MVB12B: variants seen among roughly 807,000 people sequenced by gnomAD.
The protein encoded by MVB12B is ESCRT-I complex subunit MVB12B.
Under a neutral mutation model 41.6 loss-of-function variants are expected in MVB12B, and 16 were observed. That is an observed-to-expected ratio of 0.38 (90% confidence interval 0.26 to 0.58). The LOEUF is 0.58. MVB12B is among the 20% of genes least tolerant of loss of function. The pLI, the probability that MVB12B is intolerant of heterozygous loss-of-function variation, is 0.62. For missense variants in MVB12B, 274 were observed against 380.2 expected, an observed-to-expected ratio of 0.72 and a Z score of 2.32; for synonymous variants, 133 against 139.7, an observed-to-expected ratio of 0.95 and a Z score of 0.34.
At chr9:126,385,005 AT>A (rs1830740101) in intron 3 of MVB12B, among the ~76,000 whole-genome samples, 1 of 150,970 alleles carries the variant, frequency 6.6e-6, no homozygotes, top group South Asian at 2.1e-4. Context: ...CACCCAGCCA[AT>A]TTTTTTAATT....
intron 9 of MVB12B, among the ~76,000 whole-genome samples, chr9:126,498,644 C>T (rs1237733752): frequency 1.3e-5 from 2 of 152,266 alleles, no homozygotes; most frequent in African/African-American, 2.4e-5. Flanking sequence ...CCTCTCTGGG[C>T]CCAGGCCTCG....
chr9:126,339,682 C>CA (rs1365875109), intron 1 of MVB12B, among the ~76,000 whole-genome samples: 1 of 152,184 alleles, frequency 6.6e-6, no homozygotes, highest in East Asian at 1.9e-4. Context: ...TAAAACACAA[C>CA]AAAGGGATCT....
At chr9:126,393,829 C>G (rs1831027441) in intron 5 of MVB12B, among the ~76,000 whole-genome samples, 1 of 152,270 alleles carries the variant, frequency 6.6e-6, no homozygotes, top group Non-Finnish European at 1.5e-5. Context: ...CAGAGGCACC[C>G]TGTCCTCCTC....
chr9:126,344,419 G>A (rs1353407739), intron 2 of MVB12B, among the ~76,000 whole-genome samples: 2 of 152,190 alleles, frequency 1.3e-5, no homozygotes, highest in African/African-American at 2.4e-5. Flanking sequence ...TTCCATACCT[G>A]GAAGCCTGCT....
At chr9:126,451,059 C>T (rs1832878961) in intron 7 of MVB12B, among the ~76,000 whole-genome samples, 1 of 152,132 alleles carries the variant, frequency 6.6e-6, no homozygotes, top group Admixed American at 6.5e-5. Context: ...ACAGCAAGGT[C>T]ACGTACTCCA....
At chr9:126,380,352 C>T (rs562735286) in intron 2 of MVB12B, among the ~76,000 whole-genome samples, 16 of 152,204 alleles carry the variant, frequency 1.1e-4, no homozygotes, top group Non-Finnish European at 1.8e-4. Context: ...GTCACAGGGG[C>T]TTTGATACTC....
At chr9:126,492,111 G>A (rs1177965521) in intron 9 of MVB12B, among the ~76,000 whole-genome samples, 4 of 134,282 alleles carry the variant, frequency 3.0e-5, no homozygotes, top group African/African-American at 5.2e-5. Flanking sequence ...CCACTCCTGC[G>A]GCACGTGCAC....
Position 126,386,079 on chromosome 9 carries a change from T to C in MVB12B, c.313-483T>C, listed in dbSNP as rs1018397970. Among the ~76,000 whole-genome samples the C allele has an allele frequency of 2.0e-5, 3 of 152,222 alleles. No individual in the cohort carries two copies. Among genetic ancestry groups the C allele is most frequent in the Admixed American group, 6.5e-5 (1 of 15,282 alleles). On this transcript the variant is annotated intron_variant, in intron 3 of 9. Transcript: ENST00000361171. This position sits in a 1 kb window ranked among gnomAD's most constrained non-coding sequence, Gnocchi z 4.3. ...GTATGATTCTTGGGATTTTGCAGAA[T>C]GTATCTAGCAACTGAAATGTGTGTC...
At chr9:126,362,922 C>T (rs371821039) in intron 2 of MVB12B, among the ~76,000 whole-genome samples, 14 of 152,292 alleles carry the variant, frequency 9.2e-5, no homozygotes, top group African/African-American at 3.4e-4. Flanking sequence ...CGTGGTGGCT[C>T]ACACTTGTAA....
intron 7 of MVB12B, among the ~76,000 whole-genome samples, chr9:126,449,220 G>A (rs533984030): frequency 6.3e-4 from 96 of 152,314 alleles, no homozygotes; most frequent in Admixed American, 2.1e-3. Flanking sequence ...CAGAGCACAC[G>A]GGGCCCCCAC....
intron 9 of MVB12B, among the ~76,000 whole-genome samples, chr9:126,493,912 C>T (rs960837015): frequency 6.6e-6 from 1 of 152,194 alleles, no homozygotes; most frequent in Admixed American, 6.5e-5. Flanking sequence ...AGTTACGTCG[C>T]CTGTGAATGC....
At chr9:126,327,673 C>T (rs563216436) in intron 1 of MVB12B, among the ~76,000 whole-genome samples, 40 of 152,294 alleles carry the variant, frequency 2.6e-4, no homozygotes, top group African/African-American at 8.7e-4. Flanking sequence ...ATCACATCCT[C>T]AGAGGCAGGC....
intron 9 of MVB12B, among the ~76,000 whole-genome samples, chr9:126,489,538 G>A (rs972792582): frequency 5.9e-5 from 9 of 152,366 alleles, no homozygotes; most frequent in African/African-American, 2.2e-4. Context: ...AGCAAATTTT[G>A]AAGGAAAGGA....
At chr9:126,413,117 C>T (rs1484270088) in intron 6 of MVB12B, among the ~76,000 whole-genome samples, 1 of 152,218 alleles carries the variant, frequency 6.6e-6, no homozygotes, top group African/African-American at 2.4e-5. Flanking sequence ...GCATCTCACT[C>T]CAACCCTCTC....
intron 1 of MVB12B, among the ~76,000 whole-genome samples, chr9:126,329,845 T>C (rs931937453): frequency 6.6e-6 from 1 of 152,084 alleles, no homozygotes; most frequent in South Asian, 2.1e-4. Flanking sequence ...CCTGGGTTTC[T>C]TGAATAGACT....
chr9:126,373,482 A>G (rs1433300411), intron 2 of MVB12B, among the ~76,000 whole-genome samples: 3 of 152,206 alleles, frequency 2.0e-5, no homozygotes, highest in African/African-American at 7.2e-5. Context: ...TCAGCCAGAT[A>G]TTTCCTTTGG....
In MVB12B at chr9:126,503,312, C is replaced by G. The variant is rs773804848; in HGVS notation, c.*49C>G. 9 of 1,464,204 alleles carry G rather than the reference C, an allele frequency of 6.1e-6. No individual in the cohort carries two copies. The highest frequency in any genetic ancestry group is 1.2e-5 in the South Asian group (1 of 82,088). 90.7% of individuals were successfully genotyped at this position (1,464,204 alleles called of 1,614,324 possible). On this transcript the variant is annotated 3_prime_UTR_variant, in exon 10 of 10. Coordinates refer to ENST00000361171, the MANE Select transcript of MVB12B (RefSeq NM_033446.3). ...AGACCACCGCCGCCCAGACTACTGA[C>G]GGCAGGGGCTGCTGCCCCCGCCTCC...
Position 126,478,267 on chromosome 9 carries a change from G to T in MVB12B, c.758-3102G>T, listed in dbSNP as rs976034356. On this transcript the variant is annotated intron_variant, in intron 7 of 9. Coordinates refer to ENST00000361171, the MANE Select transcript of MVB12B (RefSeq NM_033446.3). This position sits in a 1 kb window ranked among gnomAD's most constrained non-coding sequence, Gnocchi z 4.2. ...TTTCATCTCCAGCAGCAGCAGGCGG[G>T]GGTAGCAGTGAGCAGGGTCCCCAGG... Among the ~76,000 whole-genome samples, 34 of 152,294 alleles carry T rather than the reference G, an allele frequency of 2.2e-4. No homozygotes were observed. The highest frequency in any genetic ancestry group is 7.7e-4 in the African/African-American group (32 of 41,566).
At position 126,446,521 on chromosome 9, in the gene MVB12B, A is replaced by G. The variant is rs1402973863; in HGVS notation, c.757+24573A>G. 2.0e-5 allele frequency among the ~76,000 whole-genome samples: 3 copies of G among 151,692 alleles called. No individual in the cohort carries two copies. In the East Asian group the frequency reaches 5.8e-4, roughly 29 times the overall value. ...GGGAAAAAAGAACACCAAAAAAAAAAAAAAAAAATCCTGTCTGAACTATGT... is the reference window on the plus strand; with the variant it reads ...GGGAAAAAAGAACACCAAAAAAAAAGAAAAAAAATCCTGTCTGAACTATGT... On this transcript the variant is annotated intron_variant, in intron 7 of 9. Transcript: ENST00000361171.
Sources: allele counts gnomAD v4.1 joint callset (sites outside exome capture counted in the v4.1 genomes callset), GRCh38; gene constraint gnomAD v4.1.1; non-coding constraint Gnocchi (gnomAD v3.1); transcripts MANE v1.5; gene names NCBI Gene and HGNC (gene_info 2026-07-23, HGNC 2026-07-21).